The following DLG2 variants were observed in gnomAD, a reference collection of about 807,000 sequenced individuals.
The protein encoded by DLG2 is disks large homolog 2.
A neutral mutation model predicts 132.5 loss-of-function variants in DLG2; 45 were observed. That is an observed-to-expected ratio of 0.34 (90% CI 0.27 to 0.44). The LOEUF (loss-of-function observed/expected upper bound fraction) is 0.44. DLG2 is among the 20% of genes least tolerant of loss of function. DLG2 has a pLI of 1.00. For synonymous variants in DLG2, 424 were observed against 419.6 expected (o/e 1.01, Z -0.13); for missense variants, 1,045 against 1,196.9 (o/e 0.87, Z 1.87).
intron 7 of DLG2, among the ~76,000 whole-genome samples, chr11:84,379,913 G>C (rs1230898758): frequency 6.6e-6 from 1 of 151,752 alleles, no homozygotes; most frequent in East Asian, 1.9e-4. Context: ...TAAAGCTGCA[G>C]AACACCAAAC....
intron 18 of DLG2, among the ~76,000 whole-genome samples, chr11:83,755,058 A>G (rs2093590681): frequency 6.6e-6 from 1 of 151,442 alleles, no homozygotes; most frequent in Non-Finnish European, 1.5e-5. Flanking sequence ...AATGTTGCCT[A>G]TCATTAACAT....
intron 7 of DLG2, among the ~76,000 whole-genome samples, chr11:84,268,390 T>G (rs980415139): frequency 6.6e-6 from 1 of 152,118 alleles, no homozygotes; most frequent in Admixed American, 6.6e-5. Flanking sequence ...TCTCTGAGGT[T>G]GGAACACTGA....
Position 84,527,164 on chromosome 11 carries a change from G to A in DLG2, c.519+7406C>T, listed in dbSNP as rs891660893. On this transcript the variant is annotated intron_variant, in intron 7 of 27. Coordinates refer to ENST00000376104, the MANE Select transcript of DLG2 (RefSeq NM_001142699.3). Reference sequence around the variant, plus strand: ...AATAATTTTTAGAACAATAGAATAAGGCATATTTTAAAATGATGACTATGT... The same window carrying A: ...AATAATTTTTAGAACAATAGAATAAAGCATATTTTAAAATGATGACTATGT... Among the ~76,000 whole-genome samples the A allele has an allele frequency of 2.6e-5, 4 of 152,108 alleles. No homozygotes were observed. In the East Asian group the frequency reaches 7.7e-4, roughly 29 times the overall value.
At chr11:84,885,692 A>G (rs1191551652) in intron 6 of DLG2, among the ~76,000 whole-genome samples, 1 of 152,122 alleles carries the variant, frequency 6.6e-6, no homozygotes, top group African/African-American at 2.4e-5. Context: ...GTAGCACAGT[A>G]CCTGGTGCAT....
rs181472803 is a variant in DLG2 at position 83,950,209 on chromosome 11, T to C, written c.1340+12676A>G. 2.6e-4 allele frequency among the ~76,000 whole-genome samples: 40 copies of C among 152,322 alleles called. No individual in the cohort carries two copies. In the East Asian group the frequency reaches 7.1e-3, roughly 27 times the overall value. ...GTATTACACAAATATCAGTTATCAC[T>C]ATTACCACAATTCTTATGAATTCTA... is the stretch of plus-strand genomic sequence containing the variant. On this transcript the variant is annotated intron_variant, in intron 14 of 27. Coordinates refer to ENST00000376104, the MANE Select transcript of DLG2 (RefSeq NM_001142699.3).
At chr11:84,128,471 A>G (rs1453017079) in intron 9 of DLG2, among the ~76,000 whole-genome samples, 3 of 152,146 alleles carry the variant, frequency 2.0e-5, no homozygotes, top group Admixed American at 1.3e-4. Context: ...CTACAGATTT[A>G]CCAAAACAGC....
At chr11:85,622,465 A>G (rs1671996202) in intron 2 of DLG2, among the ~76,000 whole-genome samples, 1 of 152,122 alleles carries the variant, frequency 6.6e-6, no homozygotes, top group African/African-American at 2.4e-5. Context: ...AAGAAAAACT[A>G]GAGATGAAAA....
chr11:84,841,668 T>C (rs2080712691), intron 6 of DLG2, among the ~76,000 whole-genome samples: 1 of 152,046 alleles, frequency 6.6e-6, no homozygotes, highest in Admixed American at 6.6e-5. Flanking sequence ...AACACACCAC[T>C]GAACAGTTCC....
At chr11:84,068,741 G>A (rs2096714479) in intron 10 of DLG2, among the ~76,000 whole-genome samples, 1 of 152,120 alleles carries the variant, frequency 6.6e-6, no homozygotes, top group African/African-American at 2.4e-5. Flanking sequence ...TATTCGAATA[G>A]CATTAATGCC....
chr11:84,085,768 A>C (rs1488170792), intron 10 of DLG2, among the ~76,000 whole-genome samples: 1 of 152,180 alleles, frequency 6.6e-6, no homozygotes, highest in African/African-American at 2.4e-5. Context: ...AATATTTAGA[A>C]TCCCATAAAG....
rs927034112 is a variant in DLG2 at position 84,587,989 on chromosome 11, C to G, written c.358-53258G>C. ...TTCAGTGCACTTCCTATTACGATAG[C>G]ATCACTCCTCTGCTTAACAAGCCCA... is the stretch of plus-strand genomic sequence containing the variant. On this transcript the variant is annotated intron_variant, in intron 6 of 27. Coordinates refer to ENST00000376104, the MANE Select transcript of DLG2 (RefSeq NM_001142699.3). Among the ~76,000 whole-genome samples the G allele has an allele frequency of 6.6e-5, 10 of 152,232 alleles. No homozygotes were observed. In the South Asian group the frequency reaches 2.1e-3, roughly 32 times the overall value.
chr11:84,448,600 C>G (rs1006677168), intron 7 of DLG2, among the ~76,000 whole-genome samples: 25 of 152,008 alleles, frequency 1.6e-4, no homozygotes, highest in African/African-American at 5.1e-4. Context: ...TGTGACAAAT[C>G]TTGACAAATT....
chr11:84,416,281 C>G (rs946142458), intron 7 of DLG2, among the ~76,000 whole-genome samples: 1 of 152,088 alleles, frequency 6.6e-6, no homozygotes, highest in Non-Finnish European at 1.5e-5. Context: ...TAAGAATTTC[C>G]CCAACCAAAA....
At chr11:85,488,632 G>T (rs753550319) in intron 3 of DLG2, among the ~76,000 whole-genome samples, 2 of 152,080 alleles carry the variant, frequency 1.3e-5, no homozygotes, top group Non-Finnish European at 2.9e-5. Flanking sequence ...TACCTATAAA[G>T]GAAACCCCTT....
At chr11:83,615,122 G>T (rs2060615741) in intron 19 of DLG2, among the ~76,000 whole-genome samples, 1 of 152,118 alleles carries the variant, frequency 6.6e-6, no homozygotes, top group Non-Finnish European at 1.5e-5. Context: ...TCATTACCAG[G>T]CAAGTTTAGG....
chr11:83,745,331 A>T (rs1481956318), intron 18 of DLG2, among the ~76,000 whole-genome samples: 2 of 152,220 alleles, frequency 1.3e-5, no homozygotes, highest in Admixed American at 1.3e-4. Context: ...ATAAAATTGC[A>T]TTGATTTAGC....
intron 18 of DLG2, among the ~76,000 whole-genome samples, chr11:83,755,219 A>G (rs1271020195): frequency 1.3e-5 from 2 of 151,390 alleles, no homozygotes; most frequent in African/African-American, 2.5e-5. Context: ...ATACAAGTTA[A>G]TATCTTTTAA....
At chr11:84,413,417 C>T (rs2098916872) in intron 7 of DLG2, among the ~76,000 whole-genome samples, 1 of 152,164 alleles carries the variant, frequency 6.6e-6, no homozygotes, top group Admixed American at 6.5e-5. Context: ...ATTTGAGTTG[C>T]TGTTGCATTT....
At chr11:85,481,329 C>A (rs2153089622) in intron 3 of DLG2, among the ~76,000 whole-genome samples, 1 of 152,328 alleles carries the variant, frequency 6.6e-6, no homozygotes, top group South Asian at 2.1e-4. Context: ...GTCTCTCCCA[C>A]AGAAACATCA....
Sources: allele counts gnomAD v4.1 joint callset (sites outside exome capture counted in the v4.1 genomes callset), GRCh38; gene constraint gnomAD v4.1.1; transcripts MANE v1.5; gene names NCBI Gene and HGNC (gene_info 2026-07-23, HGNC 2026-07-21).